BTC: variants seen among roughly 807,000 people sequenced by gnomAD.
BTC encodes probetacellulin.
In BTC, 13 loss-of-function variants were observed where a neutral mutation model predicts 18.1. The ratio of observed to expected loss-of-function variants is 0.72; its 90% confidence interval spans 0.47 to 1.14. The LOEUF is 1.14. BTC is among the 50% of genes most tolerant of loss of function. The pLI, the probability that BTC is intolerant of heterozygous loss-of-function variation, is 0.00. For missense variants in BTC, 247 were observed against 224.2 expected, an observed-to-expected ratio of 1.10 and a Z score of -0.65; for synonymous variants, 83 against 79.4, an observed-to-expected ratio of 1.05 and a Z score of -0.24.
chr4:74,767,935 A>C (rs1724943717), intron 2 of BTC, among the ~76,000 whole-genome samples: 1 of 152,154 alleles, frequency 6.6e-6, no homozygotes, highest in Non-Finnish European at 1.5e-5. Context: ...TTCCTGCAAG[A>C]AAACGTAAGA....
In BTC at chr4:74,772,936, C is replaced by T. The variant is rs531503131; in HGVS notation, c.65-2780G>A. 2.0e-5 allele frequency among the ~76,000 whole-genome samples: 3 copies of T among 152,322 alleles called. No homozygotes were observed. In the South Asian group the frequency reaches 6.2e-4, roughly 32 times the overall value. The stretch of plus-strand genomic sequence containing the variant: ...CACAGGCTGGGGGCTATGGCCCAGG[C>T]TCCTTCCGCTAAGCTTTGTTTCACA... On this transcript the variant is annotated intron_variant, in intron 1 of 5. Coordinates refer to ENST00000395743, the MANE Select transcript of BTC (RefSeq NM_001729.4).
chr4:74,753,182 A>G (rs1205907818), intron 3 of BTC, among the ~76,000 whole-genome samples: 1 of 152,232 alleles, frequency 6.6e-6, no homozygotes, highest in Non-Finnish European at 1.5e-5. Flanking sequence ...TACTATTTAA[A>G]ATCAAAAATA....
At chr4:74,748,364 G>A (rs1412135096) in intron 4 of BTC, among the ~76,000 whole-genome samples, 7 of 152,034 alleles carry the variant, frequency 4.6e-5, no homozygotes, top group African/African-American at 7.2e-5. Context: ...CTGAAACCCC[G>A]TCTCTACTAA....
intron 1 of BTC, among the ~76,000 whole-genome samples, chr4:74,771,326 T>A (rs1224392526): frequency 1.3e-5 from 2 of 152,192 alleles, no homozygotes; most frequent in Non-Finnish European, 2.9e-5. Context: ...CTTATTGTTA[T>A]GCAACTGACA....
At chr4:74,778,750 GC>G (rs1415130973) in intron 1 of BTC, among the ~76,000 whole-genome samples, 1 of 152,132 alleles carries the variant, frequency 6.6e-6, no homozygotes, top group Non-Finnish European at 1.5e-5. Flanking sequence ...CAGAACTCAT[GC>G]CCTGGGACAT....
chr4:74,781,383 ACG>A (rs1725323233), intron 1 of BTC, among the ~76,000 whole-genome samples: 1 of 113,018 alleles, frequency 8.8e-6, no homozygotes, highest in South Asian at 2.9e-4. Context: ...TTCTCTCGTC[ACG>A]TGTGTGTGTG....
At chr4:74,782,606 G>C (rs75625112) in intron 1 of BTC, among the ~76,000 whole-genome samples, 4,898 of 151,868 alleles carry the variant, frequency 0.032, 245 homozygotes, top group African/African-American at 0.11. Context: ...TATTCCTTTG[G>C]TATATGCCCA....
chr4:74,769,020 G>C (rs1724971455), intron 2 of BTC, among the ~76,000 whole-genome samples: 1 of 152,114 alleles, frequency 6.6e-6, no homozygotes, highest in African/African-American at 2.4e-5. Flanking sequence ...ACTACTGTGA[G>C]GGATGAAAGG....
chr4:74,767,645 G>C (rs1207634441), intron 2 of BTC, among the ~76,000 whole-genome samples: 2 of 152,024 alleles, frequency 1.3e-5, no homozygotes, highest in Non-Finnish European at 2.9e-5. Flanking sequence ...AAAGTTGGAG[G>C]TATCGTTCTT....
In BTC at chr4:74,793,535, G is replaced by T. The variant is rs752425520; in HGVS notation, c.64+727C>A. 2.6e-5 allele frequency among the ~76,000 whole-genome samples: 4 copies of T among 152,112 alleles called. 1 individual carries two copies. Among genetic ancestry groups the T allele is most frequent in the Admixed American group, 1.3e-4 (2 of 15,268 alleles). Reference sequence around the variant, plus strand: ...TGGTTTCCCTTCCCTTCTCTGCCCCGCAAAATGACCATGATGCAGAGAGCA... The same window carrying T: ...TGGTTTCCCTTCCCTTCTCTGCCCCTCAAAATGACCATGATGCAGAGAGCA... On this transcript the variant is annotated intron_variant, in intron 1 of 5. Transcript: ENST00000395743.
intron 1 of BTC, among the ~76,000 whole-genome samples, chr4:74,784,035 C>T (rs929973622): frequency 6.6e-5 from 10 of 151,786 alleles, no homozygotes; most frequent in Admixed American, 2.6e-4. Flanking sequence ...GAGTTCGAGA[C>T]GAGCCTGGCC....
chr4:74,756,961 T>G (rs571513601), intron 2 of BTC, among the ~76,000 whole-genome samples: 1 of 152,308 alleles, frequency 6.6e-6, no homozygotes, highest in East Asian at 1.9e-4. Flanking sequence ...TTTCGTATGT[T>G]AACTTACAAG....
intron 2 of BTC, among the ~76,000 whole-genome samples, chr4:74,764,832 G>C (rs977415019): frequency 7.2e-5 from 11 of 152,062 alleles, no homozygotes; most frequent in Non-Finnish European, 1.3e-4. Flanking sequence ...ACCCAGCACT[G>C]GATAACTTAT....
At chr4:74,779,872 A>G (rs1213623641) in intron 1 of BTC, among the ~76,000 whole-genome samples, 1 of 152,178 alleles carries the variant, frequency 6.6e-6, no homozygotes, top group Non-Finnish European at 1.5e-5. Context: ...TGCAGAGACT[A>G]GGAATATAAA....
chr4:74,794,342 G>T lies in BTC; in HGVS notation c.-17C>A. 1 of 1,540,728 alleles carries T rather than the reference G, an allele frequency of 6.5e-7. No individual in the cohort carries two copies. Among genetic ancestry groups the T allele is most frequent in the South Asian group, 1.2e-5 (1 of 83,514 alleles). On this transcript the variant is annotated 5_prime_UTR_variant, in exon 1 of 6. Transcript: ENST00000395743. ...CCGGTCCATCAACCCCGCTCTGCCG[G>T]GCCGGGCAGCCCCTAGACAAGTCTC...
intron 3 of BTC, among the ~76,000 whole-genome samples, chr4:74,750,963 TGAC>T (rs1309311474): frequency 6.6e-6 from 1 of 152,162 alleles, no homozygotes; most frequent in Non-Finnish European, 1.5e-5. Flanking sequence ...ACAAGGATGA[TGAC>T]AATTAACTAA....
chr4:74,782,229 A>T (rs1183035583), intron 1 of BTC, among the ~76,000 whole-genome samples: 2 of 151,974 alleles, frequency 1.3e-5, no homozygotes, highest in African/African-American at 4.8e-5. Context: ...ATTAAGCTCA[A>T]CGTCCATTAG....
intron 5 of BTC, among the ~76,000 whole-genome samples, chr4:74,747,436 G>A (rs1724321115): frequency 6.6e-6 from 1 of 152,148 alleles, no homozygotes. Flanking sequence ...CACAGCTCCT[G>A]CCTAGGGGAC....
At chr4:74,791,249 G>T (rs1725617568) in intron 1 of BTC, among the ~76,000 whole-genome samples, 1 of 152,198 alleles carries the variant, frequency 6.6e-6, no homozygotes, top group African/African-American at 2.4e-5. Context: ...GGCTGAGACA[G>T]GAGAGTCACT....
Sources: gnomAD v4.1 joint callset for allele counts (sites outside exome capture counted in the v4.1 genomes callset) on GRCh38, gnomAD v4.1.1 for gene constraint, MANE v1.5 for transcripts, NCBI Gene and HGNC (gene_info 2026-07-23, HGNC 2026-07-21) for gene names.